Variants in TPP2 observed in about 807,000 individuals in gnomAD.
The protein encoded by TPP2 is tripeptidyl-peptidase 2.
TPP2 carries 34 observed loss-of-function variants against 155.9 expected under a neutral mutation model. The observed-to-expected ratio is 0.22, with a 90% CI of 0.17 to 0.29. The LOEUF (loss-of-function observed/expected upper bound fraction) is 0.29. TPP2 is among the 10% of genes least tolerant of loss of function. The pLI, the probability that TPP2 is intolerant of heterozygous loss-of-function variation, is 1.00. For missense variants in TPP2, 1,028 were observed against 1,522.3 expected (o/e 0.68, Z 5.40); for synonymous variants, 510 against 529.4 (o/e 0.96, Z 0.50).
At chr13:102,597,997 G>C (rs1294619360) in intron 1 of TPP2, among the ~76,000 whole-genome samples, 2 of 151,530 alleles carry the variant, frequency 1.3e-5, no homozygotes, top group African/African-American at 2.4e-5. Context: ...TTTTAAACCT[G>C]AAAACATACG....
At chr13:102,632,317 T>C (rs1255854460) in intron 10 of TPP2, among the ~76,000 whole-genome samples, 2 of 151,906 alleles carry the variant, frequency 1.3e-5, no homozygotes, top group African/African-American at 2.4e-5. Flanking sequence ...TGATCTCGGC[T>C]CACTACAACC....
chr13:102,615,681 A>C (rs1232732606), intron 3 of TPP2, among the ~76,000 whole-genome samples: 2 of 152,170 alleles, frequency 1.3e-5, no homozygotes, highest in East Asian at 3.9e-4. Flanking sequence ...TTGTCTGTCA[A>C]AATGCAGCTG....
chr13:102,614,264 T>G, intron 3 of TPP2, 68 bp downstream of exon 3: 1 of 1,315,110 alleles, frequency 7.6e-7, no homozygotes, highest in South Asian at 1.5e-5. Context: ...ATTTTATTCC[T>G]ACTGAAGAAA....
intron 10 of TPP2, among the ~76,000 whole-genome samples, chr13:102,633,076 AAGG>A (rs1882126655): frequency 6.6e-6 from 1 of 152,238 alleles, no homozygotes; most frequent in Non-Finnish European, 1.5e-5. Context: ...GAGATGGTAT[AAGG>A]AGAGTCTGGC....
chr13:102,643,143 G>A, intron 16 of TPP2, 79 bp from the exon 17 acceptor site: 1 of 1,354,034 alleles, frequency 7.4e-7, no homozygotes, highest in Non-Finnish European at 9.8e-7. Flanking sequence ...TTATCCCTAA[G>A]TGGGCATTAT....
In TPP2 at chr13:102,602,520, A is replaced by C. The variant is rs191810106; in HGVS notation, c.166-2273A>C. Among the ~76,000 whole-genome samples the C allele has an allele frequency of 2.0e-5, 3 of 152,106 alleles. No homozygotes were observed. The East Asian group carries it at 5.8e-4, about 29-fold the overall frequency. Reference sequence around the variant, plus strand: ...CAGCTGTGCCTGGGAGGCCTTTATGACCCCTTCAGCTATCAGGCCCTCAGT... The same window carrying C: ...CAGCTGTGCCTGGGAGGCCTTTATGCCCCCTTCAGCTATCAGGCCCTCAGT... On this transcript the variant is annotated intron_variant, in intron 1 of 29. Coordinates refer to ENST00000376052, the MANE Select transcript of TPP2 (RefSeq NM_001330588.2).
intron 1 of TPP2, among the ~76,000 whole-genome samples, chr13:102,603,274 C>A (rs1368315189): frequency 6.6e-6 from 1 of 152,170 alleles, no homozygotes; most frequent in Non-Finnish European, 1.5e-5. Context: ...AGACATGGCT[C>A]TTGCCTTCAT....
intron 14 of TPP2, among the ~76,000 whole-genome samples, chr13:102,637,564 T>TGTTGTTG (rs1882461890): frequency 6.6e-6 from 1 of 152,034 alleles, no homozygotes; most frequent in African/African-American, 2.4e-5. Flanking sequence ...TTGTTGTTGT[T>TGTTGTTG]TTAAGAGACA....
intron 19 of TPP2, 144 bp from the exon 20 acceptor site, chr13:102,646,150 T>G: frequency 7.7e-6 from 4 of 520,610 alleles, no homozygotes; most frequent in Non-Finnish European, 1.4e-5. Context: ...ATTAAAATAT[T>G]GTAGAGTATA....
chr13:102,599,142 T>C (rs1879233101), intron 1 of TPP2, among the ~76,000 whole-genome samples: 1 of 152,202 alleles, frequency 6.6e-6, no homozygotes, highest in Non-Finnish European at 1.5e-5. Flanking sequence ...TTCCCGTCTT[T>C]GTGTCCATGT....
chr13:102,646,403 C>T lies in TPP2; in HGVS notation c.2490+13C>T, dbSNP rs142503621. 82 of 1,598,668 alleles carry T rather than the reference C, an allele frequency of 5.1e-5. No homozygotes were observed. In the African/African-American group the frequency reaches 7.5e-4, roughly 15 times the overall value. The stretch of plus-strand genomic sequence containing the variant: ...TAACTTTCATCAAGTAAGTGTTTGC[C>T]TAGTAAAGTGTACCCTTAGGATGAA... On this transcript the variant is annotated intron_variant, in intron 20 of 29. Coordinates refer to ENST00000376052, the MANE Select transcript of TPP2 (RefSeq NM_001330588.2).
intron 6 of TPP2, among the ~76,000 whole-genome samples, chr13:102,624,926 C>T (rs1462895949): frequency 1.5e-5 from 2 of 129,910 alleles, no homozygotes; most frequent in African/African-American, 5.9e-5. Flanking sequence ...GTGGCACGGT[C>T]TCGGCTCACT....
In TPP2 at chr13:102,636,359, G is replaced by T. The variant is rs575735677; in HGVS notation, c.1645G>T (p.Val549Phe). 1.2e-5 allele frequency: 20 copies of T among 1,613,312 alleles called. No homozygotes were observed. The highest frequency in any genetic ancestry group is 1.6e-5 in the Non-Finnish European group (19 of 1,179,768). ...GGTGGCTGCACCTTCAGATCATGGC[G>T]TTGGCATTGAACCTGTATTTCCGGA... ...VQVAAPSDHG[V>F]GIEPVFPENT... Residue 549 changes from valine to phenylalanine, a missense_variant, in exon 13 of 30, where the codon GTT (valine) becomes TTT (phenylalanine). Physicochemically the swap from Val to Phe is conservative, Grantham distance 50 (BLOSUM62 -1). This residue lies in a region of TPP2 where 325 missense variants were observed against 463.7 expected (regional missense o/e 0.70). Coordinates refer to ENST00000376052, the MANE Select transcript of TPP2 (RefSeq NM_001330588.2).
intron 5 of TPP2, 49 bp from the exon 6 acceptor site, chr13:102,622,828 A>G (rs1374759998): frequency 1.3e-6 from 2 of 1,557,346 alleles, no homozygotes; most frequent in South Asian, 1.2e-5. Flanking sequence ...TGATTTTTAG[A>G]AAGGTAAGAA....
Position 102,634,004 on chromosome 13 carries a change from T to G in TPP2, c.1299T>G (p.Ser433=). Residue 433 remains serine, a synonymous_variant, in exon 11 of 30, where the codon TCT becomes TCG. Transcript: ENST00000376052. ...SISAPGGAIA[S]VPNWTLRGTQ... is the part of the protein sequence containing the mutation. Reference sequence around the variant, plus strand: ...GTGCGCCAGGAGGAGCCATTGCTTCTGTTCCTAACTGGACACTGAGAGGGA... The same window carrying G: ...GTGCGCCAGGAGGAGCCATTGCTTCGGTTCCTAACTGGACACTGAGAGGGA... 6.2e-7 allele frequency: 1 copy of G among 1,614,148 alleles called. No individual in the cohort carries two copies. The highest frequency in any genetic ancestry group is 2.2e-5 in the East Asian group (1 of 44,886).
chr13:102,631,493 A>G (rs1298344192), intron 10 of TPP2: 1 of 152,242 alleles, frequency 6.6e-6, no homozygotes, highest in Non-Finnish European at 1.5e-5. Context: ...TTGTTCAGTT[A>G]ATAAAAGTGT....
At chr13:102,660,675 A>T (rs1475073462) in intron 25 of TPP2, among the ~76,000 whole-genome samples, 1 of 152,226 alleles carries the variant, frequency 6.6e-6, no homozygotes, top group African/African-American at 2.4e-5. Context: ...ATAGCCAGAC[A>T]GTCTTGAAAA....
At chr13:102,645,223 G>A (rs1247060854) in intron 19 of TPP2, among the ~76,000 whole-genome samples, 1 of 152,118 alleles carries the variant, frequency 6.6e-6, no homozygotes, top group East Asian at 1.9e-4. Context: ...GTGGATAGCC[G>A]ATCCCAGTCA....
intron 24 of TPP2, among the ~76,000 whole-genome samples, chr13:102,653,176 C>T (rs1440715727): frequency 1.3e-5 from 2 of 152,102 alleles, no homozygotes; most frequent in East Asian, 1.9e-4. Flanking sequence ...AATGCAAGTA[C>T]ACAATAAAGC....
Sources: gnomAD v4.1 joint callset for allele counts (sites outside exome capture counted in the v4.1 genomes callset) on GRCh38, gnomAD v4.1.1 for gene constraint, gnomAD v4.1.1 regional missense constraint, MANE v1.5 for transcripts, NCBI Gene and HGNC (gene_info 2026-07-23, HGNC 2026-07-21) for gene names.